TMEM120B: variants seen among roughly 807,000 people sequenced by gnomAD.
TMEM120B encodes transmembrane protein 120B.
In TMEM120B, 31 loss-of-function variants were observed where a neutral mutation model predicts 55.5. The ratio of observed to expected loss-of-function variants is 0.56; its 90% CI spans 0.42 to 0.75. TMEM120B has a LOEUF of 0.75. Ranked by LOEUF, TMEM120B falls within the 30% of genes least tolerant of loss-of-function variation. The pLI is 0.00. For missense variants in TMEM120B, 399 were observed against 425.5 expected (o/e 0.94, Z 0.55); for synonymous variants, 203 against 176.3 (o/e 1.15, Z -1.20).
At chr12:121,741,382 T>C (rs560634517) in intron 1 of TMEM120B, among the ~76,000 whole-genome samples, 2 of 152,284 alleles carry the variant, frequency 1.3e-5, no homozygotes, top group Admixed American at 6.5e-5. Flanking sequence ...CAAGCTGGAG[T>C]GCAATGGCGC....
At chr12:121,767,739 C>T (rs1009750610) in intron 6 of TMEM120B, among the ~76,000 whole-genome samples, 2 of 152,268 alleles carry the variant, frequency 1.3e-5, no homozygotes, top group South Asian at 4.1e-4. Context: ...TTGTGAATGC[C>T]GGGCCAGGGA....
At chr12:121,763,868 C>G (rs1443557305) in intron 6 of TMEM120B, among the ~76,000 whole-genome samples, 1 of 152,206 alleles carries the variant, frequency 6.6e-6, no homozygotes. Flanking sequence ...TAATGTGCCA[C>G]CTTCCCACTT....
intron 1 of TMEM120B, among the ~76,000 whole-genome samples, chr12:121,733,444 C>T (rs1309689037): frequency 1.3e-5 from 2 of 151,772 alleles, no homozygotes; most frequent in African/African-American, 2.4e-5. Context: ...AGGGGTTTCA[C>T]CATGTTAGCT....
chr12:121,748,885 A>T (rs760626591), intron 3 of TMEM120B, among the ~76,000 whole-genome samples: 1 of 152,230 alleles, frequency 6.6e-6, no homozygotes, highest in African/African-American at 2.4e-5. Context: ...TGGCCACACC[A>T]GGATGTGAAC....
chr12:121,749,093 C>G (rs4760112), intron 3 of TMEM120B, among the ~76,000 whole-genome samples: 30,379 of 152,084 alleles, frequency 0.2, 4,094 homozygotes, highest in Middle Eastern at 0.43. Context: ...GGATCAGCCT[C>G]GCGCTGAGTC....
intron 4 of TMEM120B, among the ~76,000 whole-genome samples, chr12:121,750,769 C>T (rs1241432266): frequency 3.5e-4 from 49 of 141,022 alleles, no homozygotes; most frequent in African/African-American, 1.3e-3. Flanking sequence ...CACACTCACA[C>T]TCCACACCTT....
At chr12:121,751,307 A>C (rs1592938810) in intron 4 of TMEM120B, among the ~76,000 whole-genome samples, 2 of 29,186 alleles carry the variant, frequency 6.9e-5, no homozygotes, top group African/African-American at 1.5e-4. Context: ...CCCCACACCC[A>C]CACCCCATAC....
At chr12:121,724,684 C>T (rs568361321) in intron 1 of TMEM120B, among the ~76,000 whole-genome samples, 2 of 151,510 alleles carry the variant, frequency 1.3e-5, no homozygotes, top group East Asian at 1.9e-4. Flanking sequence ...AATCTCGACT[C>T]ATTGCAAGCT....
intron 7 of TMEM120B, 135 bp downstream of exon 7, chr12:121,771,107 GCAGC>G: frequency 2.0e-6 from 2 of 1,002,290 alleles, no homozygotes; most frequent in South Asian, 2.7e-5. Context: ...GTATGAGCCT[GCAGC>G]TGCGCCGGGC....
chr12:121,769,484 T>C (rs1257886530), intron 6 of TMEM120B, among the ~76,000 whole-genome samples: 5 of 152,188 alleles, frequency 3.3e-5, no homozygotes, highest in African/African-American at 4.8e-5. Context: ...GGCAAGAGGA[T>C]TGCTTGAGCC....
At chr12:121,762,430 C>T (rs1163261074) in intron 6 of TMEM120B, among the ~76,000 whole-genome samples, 1 of 152,180 alleles carries the variant, frequency 6.6e-6, no homozygotes, top group Non-Finnish European at 1.5e-5. Flanking sequence ...TTATAGCATT[C>T]CCAGCAAACG....
At position 121,781,154 on chromosome 12, in the gene TMEM120B, G is replaced by A. The variant is rs759513765; in HGVS notation, c.*5432G>A. ...CAGATGAGCACGAGGTGGGTGTTCT[G>A]GTAGGACAGGGGCCGCAGCCGGTCA... On this transcript the variant is annotated 3_prime_UTR_variant, in exon 12 of 12. Coordinates refer to ENST00000449592, the MANE Select transcript of TMEM120B (RefSeq NM_001080825.2). 1.9e-6 allele frequency: 3 copies of A among 1,614,112 alleles called. No homozygotes were observed. Among genetic ancestry groups the A allele is most frequent in the Non-Finnish European group, 2.5e-6 (3 of 1,180,050 alleles).
chr12:121,748,771 T>C (rs934317374), intron 3 of TMEM120B, among the ~76,000 whole-genome samples: 1 of 152,206 alleles, frequency 6.6e-6, no homozygotes, highest in Non-Finnish European at 1.5e-5. Flanking sequence ...CGCTCAGAGC[T>C]GTGCCGGGAC....
In TMEM120B at chr12:121,776,039, C is replaced by A; in HGVS notation, c.*317C>A. The stretch of plus-strand genomic sequence containing the variant: ...AAGCCTCAGGGAGCCCCTCTGTTCC[C>A]ACTCCTGTCATTTGAACCCCTCTGG... On this transcript the variant is annotated 3_prime_UTR_variant, in exon 12 of 12. Transcript: ENST00000449592. 1 of 579,724 alleles carries A rather than the reference C, an allele frequency of 1.7e-6. No individual in the cohort carries two copies. 35.9% of individuals were successfully genotyped at this position (579,724 alleles called of 1,614,324 possible). A position where few individuals can be genotyped will look rare whatever the true frequency, so the allele number is the denominator to read the frequency against.
In TMEM120B at chr12:121,779,521, G is replaced by T; in HGVS notation, c.*3799G>T. 6.2e-7 allele frequency: 1 copy of T among 1,612,888 alleles called. No homozygotes were observed. Among genetic ancestry groups the T allele is most frequent in the Non-Finnish European group, 8.5e-7 (1 of 1,180,020 alleles). On this transcript the variant is annotated 3_prime_UTR_variant, in exon 12 of 12. Transcript: ENST00000449592. ...GGTCAGAGCAGCAGGCAGAGCCGGC[G>T]CTTCTTCTGCCGTTGCGCCTTCTTC...
In TMEM120B at chr12:121,780,955, C is replaced by G. The variant is rs148962846; in HGVS notation, c.*5233C>G. On this transcript the variant is annotated 3_prime_UTR_variant, in exon 12 of 12. Coordinates refer to ENST00000449592, the MANE Select transcript of TMEM120B (RefSeq NM_001080825.2). ...TCCTTCCTCAGGTCTGTCTTGCAGC[C>G]GATGAGCACCATGGGGATCCCGCGG... The G allele has an allele frequency of 1.2e-6, 2 of 1,614,088 alleles. No individual in the cohort carries two copies. The highest frequency in any genetic ancestry group is 1.7e-6 in the Non-Finnish European group (2 of 1,179,988).
intron 5 of TMEM120B, among the ~76,000 whole-genome samples, chr12:121,760,128 T>A (rs1592943095): frequency 9.1e-5 from 6 of 65,588 alleles, no homozygotes; most frequent in East Asian, 1.1e-3. Flanking sequence ...AAACTACGTC[T>A]CAAAAAAAAA....
chr12:121,755,104 A>C (rs2137237565), intron 5 of TMEM120B, among the ~76,000 whole-genome samples: 1 of 152,318 alleles, frequency 6.6e-6, no homozygotes, highest in Admixed American at 6.5e-5. Flanking sequence ...TACGGGAAAA[A>C]GGCTCACAGC....
At chr12:121,757,182 G>A (rs1402640182) in intron 5 of TMEM120B, among the ~76,000 whole-genome samples, 2 of 151,136 alleles carry the variant, frequency 1.3e-5, no homozygotes, top group Non-Finnish European at 2.9e-5. Context: ...ATATTTTTGA[G>A]ACAGAGTCTC....
Sources: allele counts gnomAD v4.1 joint callset (sites outside exome capture counted in the v4.1 genomes callset), GRCh38; gene constraint gnomAD v4.1.1; transcripts MANE v1.5; gene names NCBI Gene and HGNC (gene_info 2026-07-23, HGNC 2026-07-21).